Variants in SLC18A2 observed in about 807,000 individuals in gnomAD.
SLC18A2 encodes solute carrier family 18 member A2.
SLC18A2 carries 33 observed loss-of-function variants against 59.2 expected under a neutral mutation model. That is an observed-to-expected ratio of 0.56 (90% CI 0.42 to 0.75). The LOEUF (loss-of-function observed/expected upper bound fraction) is 0.75, where lower values mean the gene tolerates loss of function less well. Among genes scored for constraint, SLC18A2 ranks in the 30% least tolerant of loss-of-function variants. The pLI, the probability that SLC18A2 is intolerant of heterozygous loss-of-function variation, is 0.00. For synonymous variants in SLC18A2, 228 were observed against 253.5 expected (o/e 0.90, Z 0.95); for missense variants, 569 against 668.6 (o/e 0.85, Z 1.64).
chr10:117,266,562 C>T (rs1426311513), intron 10 of SLC18A2, among the ~76,000 whole-genome samples, 171 bp from the exon 11 acceptor site: 3 of 152,208 alleles, frequency 2.0e-5, no homozygotes, highest in African/African-American at 7.2e-5. Context: ...GAGGATAAGC[C>T]ACGTGGGTCC....
At chr10:117,268,480 C>A (rs1844375314) in intron 13 of SLC18A2, 1 of 152,488 alleles carries the variant, frequency 6.6e-6, no homozygotes, top group South Asian at 2.1e-4. Context: ...CCCTTGTCCT[C>A]CACTGTCTGG....
Position 117,269,025 on chromosome 10 carries a change from T to TAC in SLC18A2, c.1187-1036_1187-1035dup, listed in dbSNP as rs1198721452. On this transcript the variant is annotated intron_variant, in intron 13 of 15. Transcript: ENST00000644641. The surrounding 1 kb of genome is among the most constrained non-coding windows in gnomAD (Gnocchi z 5.1). ...ACACATACACACACTGACACACGCA[T>TAC]ACACACACACATACACACATACACC... Among the ~76,000 whole-genome samples, 1 of 149,490 alleles carries TAC rather than the reference T, an allele frequency of 6.7e-6. No homozygotes were observed. Among genetic ancestry groups the TAC allele is most frequent in the Non-Finnish European group, 1.5e-5 (1 of 67,272 alleles).
In SLC18A2 at chr10:117,254,433, AGAT is replaced by A. The variant is rs745936147; in HGVS notation, c.642_644del (p.Asp214del). The A allele has an allele frequency of 1.9e-6, 3 of 1,608,328 alleles. No homozygotes were observed. The South Asian group carries it at 3.3e-5, about 18-fold the overall frequency. Reference sequence around the variant, plus strand: ...TGGGCATGCTTGCCAGTGTCTACACAGATGATGAAGAGAGAGGCAACGTCATGG... The same window carrying A: ...TGGGCATGCTTGCCAGTGTCTACACAGATGAAGAGAGAGGCAACGTCATGG... On this transcript the variant is annotated inframe_deletion, in exon 6 of 16. Transcript: ENST00000644641.
intron 1 of SLC18A2, 32 bp downstream of exon 1, chr10:117,241,252 CGCGGTGCCGGAGGGGA>C (rs1461078486): frequency 6.4e-6 from 1 of 155,636 alleles, no homozygotes; most frequent in Non-Finnish European, 1.4e-5. Flanking sequence ...GCTCGCAGGG[CGCGGTGCCGGAGGGGA>C]GCGGGCCCGG....
chr10:117,246,497 T>G (rs1464134429), intron 3 of SLC18A2, among the ~76,000 whole-genome samples: 5 of 152,242 alleles, frequency 3.3e-5, no homozygotes, highest in Non-Finnish European at 7.3e-5. Flanking sequence ...TCTTCCATTT[T>G]GTGACTTGTG....
chr10:117,268,862 A>G (rs1251906717), intron 13 of SLC18A2, among the ~76,000 whole-genome samples: 1 of 151,784 alleles, frequency 6.6e-6, no homozygotes, highest in African/African-American at 2.4e-5. Flanking sequence ...GTATCCATGT[A>G]TGTGTGTGTT....
rs61570570 is a variant in SLC18A2, at chr10:117,246,681, C to CT, written c.464+2370dup. ...TTTTTCTTTTTTTTTGAGATAGAGT[C>CT]TTGCTCTGTCACCCAGGCTGGAGTG... is the stretch of plus-strand genomic sequence containing the variant. On this transcript the variant is annotated intron_variant, in intron 3 of 15. Coordinates refer to ENST00000644641, the MANE Select transcript of SLC18A2 (RefSeq NM_003054.6). Among the ~76,000 whole-genome samples, 1,225 of 151,956 alleles carry CT rather than the reference C, an allele frequency of 8.1e-3. 13 individuals carry two copies. Among genetic ancestry groups the CT allele is most frequent in the African/African-American group, 0.028 (1,147 of 41,414 alleles).
intron 10 of SLC18A2, among the ~76,000 whole-genome samples, chr10:117,260,959 A>G (rs1184983086): frequency 6.6e-6 from 1 of 152,182 alleles, no homozygotes; most frequent in Non-Finnish European, 1.5e-5. Flanking sequence ...TCTCATGACT[A>G]TGGGTCGTGA....
At position 117,255,287 on chromosome 10, in the gene SLC18A2, C is replaced by A. The variant is rs769757368; in HGVS notation, c.711C>A (p.Pro237=). The change falls in exon 7 of 16, where the codon CCC becomes CCA. Residue 237 remains proline, a synonymous_variant. Coordinates refer to ENST00000644641, the MANE Select transcript of SLC18A2 (RefSeq NM_003054.6). ...TTTCTCTCCCTGCAGTGGGCCCCCC[C>A]TTCGGGAGTGTGCTCTATGAGTTTG... The part of the protein sequence containing the change: ...GLAMGVLVGP[P]FGSVLYEFVG... 114 of 1,614,090 alleles carry A rather than the reference C, an allele frequency of 7.1e-5. No homozygotes were observed. Among genetic ancestry groups the A allele is most frequent in the Non-Finnish European group, 9.3e-5 (110 of 1,180,040 alleles).
chr10:117,277,481 CTTTAT>C lies in SLC18A2; in HGVS notation c.*221_*225del, dbSNP rs1056245595. 9.8e-5 allele frequency: 31 copies of C among 314,778 alleles called. No homozygotes were observed. The highest frequency in any genetic ancestry group is 4.3e-4 in the African/African-American group (20 of 46,376). 19.5% of individuals were successfully genotyped at this position (314,778 alleles called of 1,614,324 possible). On this transcript the variant is annotated 3_prime_UTR_variant, in exon 16 of 16. Transcript: ENST00000644641. The stretch of plus-strand genomic sequence containing the variant: ...GGGGTTTGTATAAATAGTGTTGAAA[CTTTAT>C]TTTATGTATTTAATTTTATTAAATA...
chr10:117,265,395 A>G (rs996784940), intron 10 of SLC18A2, among the ~76,000 whole-genome samples: 8 of 152,222 alleles, frequency 5.3e-5, no homozygotes, highest in African/African-American at 1.9e-4. Context: ...TGAGTGTAGC[A>G]GGCACTCGGT....
At chr10:117,248,006 A>G (rs1844126436) in intron 3 of SLC18A2, among the ~76,000 whole-genome samples, 1 of 152,034 alleles carries the variant, frequency 6.6e-6, no homozygotes, top group Non-Finnish European at 1.5e-5. Context: ...GTCTTGCTCT[A>G]TTGCCCAGGC....
At chr10:117,274,402 C>T (rs531922571) in intron 15 of SLC18A2, among the ~76,000 whole-genome samples, 20 of 152,276 alleles carry the variant, frequency 1.3e-4, no homozygotes, top group African/African-American at 4.8e-4. Flanking sequence ...CTATCATGTG[C>T]CCAGTCCTAG....
rs1157675635 is a variant in SLC18A2, at chr10:117,278,209, G to C, written c.*943G>C. The C allele has an allele frequency of 6.6e-6, 1 of 152,122 alleles. No individual in the cohort carries two copies. The highest frequency in any genetic ancestry group is 2.4e-5 in the African/African-American group (1 of 41,422). The allele number at this position is 152,122 out of a possible 1,614,324, so 9.4% of individuals were successfully genotyped here. ...TGACTATATCTTTGATCTGTTTGCA[G>C]GTCATCCAAGTGTTTTCTAGGAATA... On this transcript the variant is annotated 3_prime_UTR_variant, in exon 16 of 16. Coordinates refer to ENST00000644641, the MANE Select transcript of SLC18A2 (RefSeq NM_003054.6).
At chr10:117,251,191 C>T (rs1844158291) in intron 3 of SLC18A2, among the ~76,000 whole-genome samples, 2 of 152,138 alleles carry the variant, frequency 1.3e-5, no homozygotes, top group Admixed American at 1.3e-4. Flanking sequence ...ATATATTGAA[C>T]AGAGGGAGAA....
At chr10:117,251,442 G>A (rs363406) in intron 3 of SLC18A2, among the ~76,000 whole-genome samples, 4,554 of 152,234 alleles carry the variant, frequency 0.03, 222 homozygotes, top group African/African-American at 0.1. Context: ...GCTGTCACCC[G>A]ATGGCCATCT....
intron 15 of SLC18A2, among the ~76,000 whole-genome samples, chr10:117,270,974 C>T (rs3026068): frequency 0.013 from 2,041 of 152,226 alleles, 43 homozygotes; most frequent in African/African-American, 0.045. Flanking sequence ...ACACACAGAA[C>T]GATTTAATTC....
At chr10:117,258,790 A>G (rs946600721) in intron 10 of SLC18A2, among the ~76,000 whole-genome samples, 6 of 149,088 alleles carry the variant, frequency 4.0e-5, no homozygotes, top group Non-Finnish European at 8.9e-5. Context: ...TTTTTGAGAC[A>G]AAGTCTCACT....
At chr10:117,247,700 G>C (rs1844122674) in intron 3 of SLC18A2, among the ~76,000 whole-genome samples, 1 of 152,154 alleles carries the variant, frequency 6.6e-6, no homozygotes. Flanking sequence ...GAACCTCCCT[G>C]GTCCCTGAAA....
Sources: allele counts gnomAD v4.1 joint callset (sites outside exome capture counted in the v4.1 genomes callset), GRCh38; gene constraint gnomAD v4.1.1; non-coding constraint Gnocchi (gnomAD v3.1); transcripts MANE v1.5; gene names NCBI Gene and HGNC (gene_info 2026-07-23, HGNC 2026-07-21).